SAMD4B: variants seen among roughly 807,000 people sequenced by gnomAD.
SAMD4B encodes the protein protein Smaug homolog 2.
Under a neutral mutation model 74.5 loss-of-function variants are expected in SAMD4B, and 5 were observed. The ratio of observed to expected loss-of-function variants is 0.07; its 90% CI spans 0.04 to 0.14. The LOEUF (loss-of-function observed/expected upper bound fraction) is 0.14, where lower values mean the gene tolerates loss of function less well. Among genes scored for constraint, SAMD4B ranks in the 10% least tolerant of loss-of-function variants. SAMD4B has a pLI of 1.00. For synonymous variants in SAMD4B, 373 were observed against 374.9 expected (o/e 1.00, Z 0.06); for missense variants, 608 against 921.8 (o/e 0.66, Z 4.41).
intron 3 of SAMD4B, 133 bp downstream of exon 3, chr19:39,357,222 T>C: frequency 1.5e-6 from 1 of 679,820 alleles, no homozygotes; most frequent in Non-Finnish European, 2.4e-6. Context: ...GGGAGTTCCT[T>C]ACCTTCTAAG....
intron 1 of SAMD4B, chr19:39,351,852 G>A (rs1022778732): frequency 6.6e-6 from 1 of 152,118 alleles, no homozygotes; most frequent in Non-Finnish European, 1.5e-5. Context: ...ACTATCCTTG[G>A]CCAGGCTTTA....
At chr19:39,387,086 T>C, downstream of SAMD4B, 1 of 519,884 alleles carries the variant, frequency 1.9e-6, no homozygotes, top group South Asian at 2.0e-5. Flanking sequence ...CAGGGACACA[T>C]TCTGAGATAT....
At chr19:39,379,597 G>C (rs770479743) in intron 9 of SAMD4B, among the ~76,000 whole-genome samples, 7 of 152,092 alleles carry the variant, frequency 4.6e-5, no homozygotes, top group Non-Finnish European at 1.0e-4. Flanking sequence ...TGGAAACAGA[G>C]TCTCGCTCTG....
intron 1 of SAMD4B, among the ~76,000 whole-genome samples, chr19:39,347,256 A>G (rs1218975140): frequency 6.6e-6 from 1 of 152,158 alleles, no homozygotes; most frequent in African/African-American, 2.4e-5. Context: ...TTTTAACCCT[A>G]CCTCCTTGGA....
At position 39,380,611 on chromosome 19, in the gene SAMD4B, C is replaced by T. The variant is rs2077909494; in HGVS notation, c.1674C>T (p.Leu558=). 1 of 1,614,196 alleles carries T rather than the reference C, an allele frequency of 6.2e-7. No individual in the cohort carries two copies. The highest frequency in any genetic ancestry group is 8.5e-7 in the Non-Finnish European group (1 of 1,180,022). ...GCTGGGCATTCGGCTCCAACTCGCT[C>T]CCCATAGCTGGCTCTGTGGGGATGG... is the stretch of plus-strand genomic sequence containing the variant. ...QKGWAFGSNS[L]PIAGSVGMGV... Residue 558 remains leucine, a synonymous_variant, in exon 11 of 14, where the codon CTC becomes CTT. Coordinates refer to ENST00000610417, the MANE Select transcript of SAMD4B (RefSeq NM_001384574.2).
chr19:39,388,898 A>T, downstream of SAMD4B: 2 of 1,611,058 alleles, frequency 1.2e-6, no homozygotes, highest in Non-Finnish European at 1.7e-6. Flanking sequence ...GTTAGATGGG[A>T]ACAGGCACAA....
At chr19:39,387,076 CAG>C (rs2078268359), downstream of SAMD4B, 1 of 535,876 alleles carries the variant, frequency 1.9e-6, no homozygotes, top group Non-Finnish European at 3.4e-6. Flanking sequence ...GGCCATTTAA[CAG>C]GGACACATTC....
Position 39,373,724 on chromosome 19 carries a change from G to A in SAMD4B, c.668-1926G>A, listed in dbSNP as rs193138337. Among the ~76,000 whole-genome samples the A allele has an allele frequency of 2.7e-3, 414 of 152,288 alleles. 1 individual carries two copies. Among genetic ancestry groups the A allele is most frequent in the African/African-American group, 9.4e-3 (392 of 41,554 alleles). On this transcript the variant is annotated intron_variant, in intron 4 of 13. Coordinates refer to ENST00000610417, the MANE Select transcript of SAMD4B (RefSeq NM_001384574.2). ...CACCTGTAATCTCAGCACTTTGGGA[G>A]GCCAAGGCAGGCGGATCACCTGAGG...
At chr19:39,354,573 G>A (rs1418385108) in intron 2 of SAMD4B, among the ~76,000 whole-genome samples, 1 of 145,006 alleles carries the variant, frequency 6.9e-6, no homozygotes, top group Non-Finnish European at 1.5e-5. Flanking sequence ...CTGGCTGACT[G>A]TATGGCTTGC....
At position 39,383,916 on chromosome 19, in the gene SAMD4B, G is replaced by T; in HGVS notation, c.*389G>T. The T allele has an allele frequency of 1.7e-6, 1 of 583,882 alleles. No homozygotes were observed. The highest frequency in any genetic ancestry group is 3.0e-5 in the Admixed American group (1 of 33,020). The allele number at this position is 583,882 out of a possible 1,614,324, so 36.2% of individuals were successfully genotyped here. ...GACAAACTGACCACTACCTTGTGGA[G>T]CCTGCTCAGAAACATTTGACATTTG... is the stretch of plus-strand genomic sequence containing the variant. On this transcript the variant is annotated 3_prime_UTR_variant, in exon 14 of 14. Transcript: ENST00000610417. The surrounding 1 kb of genome is among the most constrained non-coding windows in gnomAD (Gnocchi z 4.1).
chr19:39,345,259 G>C (rs2075627811), intron 1 of SAMD4B, among the ~76,000 whole-genome samples: 1 of 152,096 alleles, frequency 6.6e-6, no homozygotes, highest in African/African-American at 2.4e-5. Context: ...TGTTTCCTAG[G>C]AATCCCCTTT....
chr19:39,364,411 C>G (rs1385301408), intron 3 of SAMD4B, among the ~76,000 whole-genome samples: 1 of 152,254 alleles, frequency 6.6e-6, no homozygotes, highest in Non-Finnish European at 1.5e-5. Context: ...TGAATGTTTA[C>G]TATGAGTACA....
intron 3 of SAMD4B, among the ~76,000 whole-genome samples, chr19:39,361,906 G>A (rs1036239824): frequency 2.0e-5 from 3 of 152,020 alleles, no homozygotes; most frequent in Non-Finnish European, 4.4e-5. Context: ...CAGCCTGGGC[G>A]ACAGAGCCAG....
At chr19:39,359,229 C>T (rs1288332607) in intron 3 of SAMD4B, among the ~76,000 whole-genome samples, 1 of 152,216 alleles carries the variant, frequency 6.6e-6, no homozygotes, top group South Asian at 2.1e-4. Context: ...CCCCACTGTC[C>T]CATCCTGAGC....
rs2078219785 is a variant in SAMD4B at position 39,385,345 on chromosome 19, C to T, written c.*1818C>T. On this transcript the variant is annotated 3_prime_UTR_variant, in exon 14 of 14. Coordinates refer to ENST00000610417, the MANE Select transcript of SAMD4B (RefSeq NM_001384574.2). ...CAGCCTGTCCTGTCTTGTTCACTCT[C>T]CATCAGGGTGAGCTGACTGTGCCTG... 2.5e-6 allele frequency: 1 copy of T among 399,962 alleles called. No individual in the cohort carries two copies. Among genetic ancestry groups the T allele is most frequent in the East Asian group, 3.6e-5 (1 of 27,934 alleles). 24.8% of individuals were successfully genotyped at this position (399,962 alleles called of 1,614,324 possible). A position where few individuals can be genotyped will look rare whatever the true frequency, so the allele number is the denominator to read the frequency against.
chr19:39,357,209 G>T (rs1240200290), intron 3 of SAMD4B, 120 bp downstream of exon 3: 7 of 793,154 alleles, frequency 8.8e-6, no homozygotes, highest in Middle Eastern at 2.8e-4. Context: ...GGCTTGGTGG[G>T]TGGGGAGTTC....
At chr19:39,381,817 A>T (rs577473923) in intron 12 of SAMD4B, among the ~76,000 whole-genome samples, 56 of 152,338 alleles carry the variant, frequency 3.7e-4, no homozygotes, top group African/African-American at 1.3e-3. Context: ...CCGTAGTCCC[A>T]GCTACTCGGG....
In SAMD4B at chr19:39,375,562, C is replaced by T. The variant is rs1209141379; in HGVS notation, c.668-88C>T. 4 of 1,519,382 alleles carry T rather than the reference C, an allele frequency of 2.6e-6. No individual in the cohort carries two copies. In the African/African-American group the frequency reaches 5.5e-5, roughly 21 times the overall value. 94.1% of individuals were successfully genotyped at this position (1,519,382 alleles called of 1,614,324 possible). The stretch of plus-strand genomic sequence containing the variant: ...CCTCTTGGCAGGTTATGGGGCCAAA[C>T]TGCCATCCTGGCACTGACGGCAGGG... On this transcript the variant is annotated intron_variant, in intron 4 of 13. Coordinates refer to ENST00000610417, the MANE Select transcript of SAMD4B (RefSeq NM_001384574.2). This position sits in a 1 kb window ranked among gnomAD's most constrained non-coding sequence, Gnocchi z 4.1.
intron 3 of SAMD4B, among the ~76,000 whole-genome samples, chr19:39,357,910 A>G (rs960797131): frequency 1.3e-5 from 2 of 152,228 alleles, no homozygotes; most frequent in African/African-American, 4.8e-5. Context: ...TCTTCTTCAG[A>G]ATAATAGTTC....
Sources: allele counts gnomAD v4.1 joint callset (sites outside exome capture counted in the v4.1 genomes callset), GRCh38; gene constraint gnomAD v4.1.1; non-coding constraint Gnocchi (gnomAD v3.1); transcripts MANE v1.5; gene names NCBI Gene and HGNC (gene_info 2026-07-23, HGNC 2026-07-21).